CNTN6: variants seen among roughly 807,000 people sequenced by gnomAD.
CNTN6 encodes contactin 6, also known as contactin-6.
Under a neutral mutation model 122.8 loss-of-function variants are expected in CNTN6, and 137 were observed. The observed-to-expected ratio is 1.12, with a 90% confidence interval of 0.97 to 1.29. The LOEUF is 1.29. Ranked by LOEUF, CNTN6 falls within the 50% of genes most tolerant of loss-of-function variation. CNTN6 has a pLI of 0.00. For synonymous variants in CNTN6, 570 were observed against 426.0 expected (o/e 1.34, Z -4.16); for missense variants, 1,634 against 1,223.4 (o/e 1.34, Z -5.01).
chr3:1,134,510 G>A (rs923597968), intron 1 of CNTN6, among the ~76,000 whole-genome samples: 4 of 152,022 alleles, frequency 2.6e-5, no homozygotes, highest in Non-Finnish European at 2.9e-5. Flanking sequence ...CTAGTAGCCC[G>A]TGATACTCTT....
rs1709483779 is a variant in CNTN6 at position 1,373,940 on chromosome 3, T to C, written c.1962T>C (p.Asn654=). ...TCTTTTTAGTTCCAGAAATTCTCAA[T>C]GGTAAGACATACAATGCAACAGTGG... ...QAVATVPEIL[N]GKTYNATVVG... Residue 654 remains asparagine, a synonymous_variant, in exon 16 of 23, where the codon AAT becomes AAC. Transcript: ENST00000446702. 6.2e-7 allele frequency: 1 copy of C among 1,610,578 alleles called. No individual in the cohort carries two copies. Among genetic ancestry groups the C allele is most frequent in the African/African-American group, 1.3e-5 (1 of 74,808 alleles).
intron 12 of CNTN6, among the ~76,000 whole-genome samples, chr3:1,362,059 A>G (rs1035214956): frequency 6.6e-6 from 1 of 152,166 alleles, no homozygotes; most frequent in African/African-American, 2.4e-5. Context: ...TTGAGTCAGG[A>G]CATCTGAAGG....
chr3:1,335,625 A>T (rs1446328153), intron 11 of CNTN6, among the ~76,000 whole-genome samples: 6 of 152,154 alleles, frequency 3.9e-5, no homozygotes, highest in Admixed American at 1.3e-4. Context: ...ATTAAATACA[A>T]TTCCTGAATT....
intron 1 of CNTN6, among the ~76,000 whole-genome samples, chr3:1,111,527 C>T (rs752415189): frequency 4.6e-5 from 7 of 152,070 alleles, no homozygotes; most frequent in South Asian, 2.1e-4. Context: ...CCAAAATTAA[C>T]GCATTTTACC....
chr3:1,335,824 T>A (rs1184024045), intron 11 of CNTN6, among the ~76,000 whole-genome samples: 1 of 151,828 alleles, frequency 6.6e-6, no homozygotes, highest in Non-Finnish European at 1.5e-5. Context: ...AGTTCAGGAG[T>A]TCGAGACCAG....
chr3:1,170,288 ACACTATTCAAAGATCTTTAAT>A (rs1178676293), intron 2 of CNTN6, among the ~76,000 whole-genome samples: 2 of 150,768 alleles, frequency 1.3e-5, no homozygotes, highest in Non-Finnish European at 2.9e-5. Context: ...ATGCTTACTC[ACACTATTCAAAGATCTTTAAT>A]TATAATCATT....
At chr3:1,322,318 A>C (rs1700970326) in intron 8 of CNTN6, among the ~76,000 whole-genome samples, 1 of 151,760 alleles carries the variant, frequency 6.6e-6, no homozygotes, top group South Asian at 2.1e-4. Context: ...TACATTATTT[A>C]AAATTATGTT....
intron 7 of CNTN6, among the ~76,000 whole-genome samples, chr3:1,308,420 G>A (rs891949627): frequency 6.6e-6 from 1 of 151,778 alleles, no homozygotes; most frequent in African/African-American, 2.4e-5. Flanking sequence ...ATGTCTCCAA[G>A]GATAGGGTCT....
At chr3:1,107,055 C>T (rs1230076929) in intron 1 of CNTN6, among the ~76,000 whole-genome samples, 3 of 152,082 alleles carry the variant, frequency 2.0e-5, no homozygotes. Context: ...ATGATACCTA[C>T]ATTGGAAATG....
At chr3:1,389,460 G>T (rs1693754999) in intron 20 of CNTN6, among the ~76,000 whole-genome samples, 4 of 152,152 alleles carry the variant, frequency 2.6e-5, no homozygotes, top group East Asian at 3.9e-4. Context: ...GCAAAATCAT[G>T]CCAAAATGTA....
At chr3:1,298,253 A>G (rs903921478) in intron 7 of CNTN6, 13 of 347,928 alleles carry the variant, frequency 3.7e-5, no homozygotes, top group Non-Finnish European at 5.3e-5. Flanking sequence ...AATGAGACCC[A>G]TTTAGGCAGC....
At chr3:1,342,715 C>T (rs910906059) in intron 11 of CNTN6, among the ~76,000 whole-genome samples, 3 of 152,014 alleles carry the variant, frequency 2.0e-5, no homozygotes, top group Non-Finnish European at 2.9e-5. Context: ...AACCACCAAA[C>T]GGGGTCTATA....
At chr3:1,213,743 T>G (rs975550609) in intron 2 of CNTN6, among the ~76,000 whole-genome samples, 16 of 151,918 alleles carry the variant, frequency 1.1e-4, no homozygotes, top group Admixed American at 9.8e-4. Context: ...AACGTCAAGA[T>G]TAAATTTTAT....
intron 2 of CNTN6, among the ~76,000 whole-genome samples, chr3:1,212,807 A>G (rs1190889931): frequency 6.6e-6 from 1 of 152,166 alleles, no homozygotes; most frequent in African/African-American, 2.4e-5. Flanking sequence ...CTGTTATTTC[A>G]TCATTTCATT....
At chr3:1,224,792 T>C (rs1046760033) in intron 3 of CNTN6, among the ~76,000 whole-genome samples, 2 of 152,138 alleles carry the variant, frequency 1.3e-5, no homozygotes, top group Non-Finnish European at 2.9e-5. Flanking sequence ...GTCAGCCAGG[T>C]TGGAGTTCAG....
At chr3:1,219,151 T>C (rs765482374) in intron 2 of CNTN6, among the ~76,000 whole-genome samples, 38 of 152,218 alleles carry the variant, frequency 2.5e-4, no homozygotes, top group Non-Finnish European at 3.1e-4. Flanking sequence ...ATTTGCATTG[T>C]CTAAAATCCC....
At chr3:1,218,880 T>TAAC (rs963484797) in intron 2 of CNTN6, among the ~76,000 whole-genome samples, 2 of 152,276 alleles carry the variant, frequency 1.3e-5, no homozygotes, top group South Asian at 4.1e-4. Flanking sequence ...TTTTTGTTTT[T>TAAC]AACAACAACA....
At chr3:1,254,011 A>G (rs2094713259) in intron 4 of CNTN6, among the ~76,000 whole-genome samples, 1 of 152,214 alleles carries the variant, frequency 6.6e-6, no homozygotes, top group Non-Finnish European at 1.5e-5. Context: ...TTGTTCTAGT[A>G]ACCGACATTT....
intron 1 of CNTN6, among the ~76,000 whole-genome samples, chr3:1,140,701 C>G (rs1212425438): frequency 1.3e-5 from 2 of 151,982 alleles, no homozygotes; most frequent in Non-Finnish European, 2.9e-5. Context: ...CTTGGTTTCT[C>G]TGATTAAAAA....
Sources: gnomAD v4.1 joint callset for allele counts (sites outside exome capture counted in the v4.1 genomes callset) on GRCh38, gnomAD v4.1.1 for gene constraint, MANE v1.5 for transcripts, NCBI Gene and HGNC (gene_info 2026-07-23, HGNC 2026-07-21) for gene names.